The following NT5E variants were observed in gnomAD, a reference collection of about 807,000 sequenced individuals.
The protein encoded by NT5E is 5'-nucleotidase ecto.
In NT5E, 53 loss-of-function variants were observed where a neutral mutation model predicts 55.1. The observed-to-expected ratio is 0.96, with a 90% CI of 0.77 to 1.21. NT5E has a LOEUF of 1.21. NT5E is among the 50% of genes most tolerant of loss of function. The pLI is 0.00. For missense variants in NT5E, 683 were observed against 724.3 expected, an observed-to-expected ratio of 0.94 and a Z score of 0.65; for synonymous variants, 270 against 278.4, an observed-to-expected ratio of 0.97 and a Z score of 0.30.
At chr6:85,487,516 T>TG in intron 5 of NT5E, 27 bp downstream of exon 5, 3 of 1,613,760 alleles carry the variant, frequency 1.9e-6, no homozygotes, top group Non-Finnish European at 2.5e-6. Flanking sequence ...AGTGGACATA[T>TG]GCTAGGGAGG....
chr6:85,459,864 T>C (rs551596960), intron 1 of NT5E, among the ~76,000 whole-genome samples: 15 of 152,352 alleles, frequency 9.8e-5, no homozygotes, highest in Admixed American at 9.8e-4. Flanking sequence ...GAAGGTCATA[T>C]GAATCAACGA....
At position 85,487,457 on chromosome 6, in the gene NT5E, T is replaced by C; in HGVS notation, c.1072T>C (p.Cys358Arg). The change falls in exon 5 of 9, where the codon TGC becomes CGC. Residue 358 changes from cysteine to arginine, a missense_variant. By Grantham distance (180) the Cys-to-Arg change is radical. Transcript: ENST00000257770. Reference sequence around the variant, plus strand: ...CTCTCAATCATGCCGCTTTAGAGAATGCAACATGGGCAACCTGATTTGTGA... The same window carrying C: ...CTCTCAATCATGCCGCTTTAGAGAACGCAACATGGGCAACCTGATTTGTGA... ...GSSQSCRFRE[C>R]NMGNLICDAM... 2 of 1,614,178 alleles carry C rather than the reference T, an allele frequency of 1.2e-6. No homozygotes were observed. The highest frequency in any genetic ancestry group is 1.7e-5 in the Admixed American group (1 of 60,022).
intron 2 of NT5E, among the ~76,000 whole-genome samples, 175 bp from the exon 3 acceptor site, chr6:85,471,062 T>G (rs1769293986): frequency 6.6e-6 from 1 of 152,258 alleles, no homozygotes; most frequent in Non-Finnish European, 1.5e-5. Context: ...GATATTGATT[T>G]GAATTTTTAT....
chr6:85,459,347 A>G (rs1015581431), intron 1 of NT5E, among the ~76,000 whole-genome samples: 1 of 152,258 alleles, frequency 6.6e-6, no homozygotes, highest in Non-Finnish European at 1.5e-5. Flanking sequence ...GTGACTAGCT[A>G]AATAAATGTG....
chr6:85,489,009 G>C lies in NT5E; in HGVS notation c.1105-485G>C, dbSNP rs138571852. Among the ~76,000 whole-genome samples, 1,057 of 152,012 alleles carry C rather than the reference G, an allele frequency of 7.0e-3. 15 individuals are homozygous for C. Among genetic ancestry groups the C allele is most frequent in the African/African-American group, 0.024 (1,006 of 41,440 alleles). ...ATGTGATTCTCCCCAGCTTCAAAAGGCTGTCTCTGTCTTTCCAAAATTGCC... is the reference window on the plus strand; with the variant it reads ...ATGTGATTCTCCCCAGCTTCAAAAGCCTGTCTCTGTCTTTCCAAAATTGCC... On this transcript the variant is annotated intron_variant, in intron 5 of 8. Coordinates refer to ENST00000257770, the MANE Select transcript of NT5E (RefSeq NM_002526.4).
intron 1 of NT5E, among the ~76,000 whole-genome samples, chr6:85,459,852 C>A (rs1227761367): frequency 6.6e-6 from 1 of 152,134 alleles, no homozygotes; most frequent in Non-Finnish European, 1.5e-5. Context: ...GAATAAGACC[C>A]AGAAGGTCAT....
rs753830875 is a variant in NT5E, at chr6:85,467,246, T to C, written c.526T>C (p.Tyr176His). ...VGDEVVGIVGYTSKETPFLSN... is the reference protein window; with the variant it reads ...VGDEVVGIVGHTSKETPFLSN... The stretch of plus-strand genomic sequence containing the variant: ...TGATGAAGTTGTGGGAATCGTTGGA[T>C]ACACTTCCAAAGAAACCCCTTTTCT... The change falls in exon 2 of 9, where the codon TAC becomes CAC. Residue 176 changes from tyrosine (Y) to histidine (H), a missense_variant. Tyr to His is a moderately conservative substitution (Grantham distance 83). Coordinates refer to ENST00000257770, the MANE Select transcript of NT5E (RefSeq NM_002526.4). 1.1e-5 allele frequency: 18 copies of C among 1,614,208 alleles called. No individual in the cohort carries two copies. In the Admixed American group the frequency reaches 2.8e-4, roughly 25 times the overall value.
intron 3 of NT5E, among the ~76,000 whole-genome samples, chr6:85,476,953 A>C (rs1769450260): frequency 6.6e-6 from 1 of 152,102 alleles, no homozygotes. Flanking sequence ...AGGCAGCAAA[A>C]TGGGGATATA....
chr6:85,450,429 A>T lies in NT5E; in HGVS notation c.290A>T (p.Lys97Met). The change falls in exon 1 of 9, where the codon AAG (lysine) becomes ATG (methionine). Residue 97 changes from lysine to methionine, a missense_variant. Transcript: ENST00000257770. The surrounding 1 kb of genome is among the most constrained non-coding windows in gnomAD (Gnocchi z 4.0). ...YQGTIWFTVYKGAEVAHFMNA... is the reference protein window; with the variant it reads ...YQGTIWFTVYMGAEVAHFMNA... ...GGCACTATCTGGTTCACCGTGTACA[A>T]GGGCGCCGAGGTGGCGCACTTCATG... The T allele has an allele frequency of 1.9e-6, 3 of 1,603,150 alleles. No individual in the cohort carries two copies. Among genetic ancestry groups the T allele is most frequent in the Non-Finnish European group, 2.6e-6 (3 of 1,176,000 alleles).
intron 1 of NT5E, among the ~76,000 whole-genome samples, chr6:85,454,877 C>A (rs923229517): frequency 6.6e-6 from 1 of 152,166 alleles, no homozygotes; most frequent in Non-Finnish European, 1.5e-5. Flanking sequence ...GAAGTTTGAA[C>A]CAGCTTACCT....
chr6:85,493,869 A>C lies in NT5E; in HGVS notation c.1590A>C (p.Thr530=). 1 of 1,613,978 alleles carries C rather than the reference A, an allele frequency of 6.2e-7. No individual in the cohort carries two copies. Among genetic ancestry groups the C allele is most frequent in the South Asian group, 1.1e-5 (1 of 91,072 alleles). ...ACCAAGATATCAACGTGGTTTCTAC[A>C]TATATCTCCAAAATGAAAGTAATTT... ...SGDQDINVVS[T]YISKMKVIYP... The change falls in exon 9 of 9, where the codon ACA becomes ACC. Residue 530 remains threonine (T), a synonymous_variant. Transcript: ENST00000257770.
intron 1 of NT5E, among the ~76,000 whole-genome samples, chr6:85,458,906 C>A (rs1019842352): frequency 1.3e-5 from 2 of 152,182 alleles, no homozygotes; most frequent in Admixed American, 1.3e-4. Flanking sequence ...CTGGGTTGAA[C>A]CCCAGGGTGT....
intron 1 of NT5E, among the ~76,000 whole-genome samples, chr6:85,459,355 G>A (rs1389447048): frequency 6.6e-6 from 1 of 152,180 alleles, no homozygotes; most frequent in Non-Finnish European, 1.5e-5. Context: ...CTAAATAAAT[G>A]TGCTGCAAAC....
chr6:85,479,744 GTCTC>G lies in NT5E; in HGVS notation c.752-5478_752-5475del, dbSNP rs140974741. 5.9e-5 allele frequency among the ~76,000 whole-genome samples: 9 copies of G among 151,476 alleles called. No homozygotes were observed. The South Asian group carries it at 8.4e-4, about 14-fold the overall frequency. ...CACGGGCATGCCAAGATGAAAATTA[GTCTC>G]TCTCTCTCTCTCCACCCCATTCTTT... On this transcript the variant is annotated intron_variant, in intron 3 of 8. Coordinates refer to ENST00000257770, the MANE Select transcript of NT5E (RefSeq NM_002526.4).
At chr6:85,455,293 G>T (rs1768965855) in intron 1 of NT5E, among the ~76,000 whole-genome samples, 1 of 152,184 alleles carries the variant, frequency 6.6e-6, no homozygotes, top group African/African-American at 2.4e-5. Flanking sequence ...GAGATCCCTA[G>T]ATAGCTTCAA....
chr6:85,472,287 A>T (rs749798110), intron 3 of NT5E, among the ~76,000 whole-genome samples: 5 of 152,236 alleles, frequency 3.3e-5, no homozygotes, highest in Non-Finnish European at 5.9e-5. Flanking sequence ...GGGCTGTCAA[A>T]GACCATGCTA....
At position 85,450,578 on chromosome 6, in the gene NT5E, G is replaced by A; in HGVS notation, c.339+100G>A. On this transcript the variant is annotated intron_variant, in intron 1 of 8. Transcript: ENST00000257770. The surrounding 1 kb of genome is among the most constrained non-coding windows in gnomAD (Gnocchi z 4.0). ...CAGAGTGTGGCAAGCCTAGGTCCAG[G>A]GCGCGGAGAGATGTGGGGATAAAGT... 2 of 1,130,262 alleles carry A rather than the reference G, an allele frequency of 1.8e-6. No individual in the cohort carries two copies. The highest frequency in any genetic ancestry group is 2.6e-6 in the Non-Finnish European group (2 of 772,514). The allele number at this position is 1,130,262 out of a possible 1,614,324, so 70.0% of individuals were successfully genotyped here. A position where few individuals can be genotyped will look rare whatever the true frequency, so the allele number is the denominator to read the frequency against.
At chr6:85,455,776 C>T (rs1415576837) in intron 1 of NT5E, among the ~76,000 whole-genome samples, 1 of 152,132 alleles carries the variant, frequency 6.6e-6, no homozygotes, top group Non-Finnish European at 1.5e-5. Context: ...GAGATAGTAT[C>T]AGAATTGAAT....
intron 1 of NT5E, among the ~76,000 whole-genome samples, chr6:85,462,615 C>A (rs115122099): frequency 6.6e-6 from 1 of 152,214 alleles, no homozygotes; most frequent in African/African-American, 2.4e-5. Context: ...ACCCTATGTT[C>A]TCTGTGACAC....
Sources: allele counts gnomAD v4.1 joint callset (sites outside exome capture counted in the v4.1 genomes callset), GRCh38; gene constraint gnomAD v4.1.1; non-coding constraint Gnocchi (gnomAD v3.1); transcripts MANE v1.5; gene names NCBI Gene and HGNC (gene_info 2026-07-23, HGNC 2026-07-21).